The following C8orf34 variants were observed in gnomAD, a reference collection of about 807,000 sequenced individuals.
The protein encoded by C8orf34 is uncharacterized protein C8orf34.
In C8orf34, 65 loss-of-function variants were observed where a neutral mutation model predicts 68.3. The ratio of observed to expected loss-of-function variants is 0.95; its 90% confidence interval spans 0.78 to 1.17. The LOEUF is 1.17. Ranked by LOEUF, C8orf34 falls within the 50% of genes most tolerant of loss-of-function variation. C8orf34 has a pLI of 0.00. For synonymous variants in C8orf34, 244 were observed against 241.2 expected (o/e 1.01, Z -0.11); for missense variants, 664 against 655.4 (o/e 1.01, Z -0.14).
chr8:68,566,342 C>T (rs1391160452), intron 7 of C8orf34, among the ~76,000 whole-genome samples: 2 of 152,142 alleles, frequency 1.3e-5, no homozygotes, highest in African/African-American at 4.8e-5. Context: ...AACCCAGTGT[C>T]TGTTGTTCCG....
intron 7 of C8orf34, among the ~76,000 whole-genome samples, chr8:68,561,146 C>A (rs1010388387): frequency 1.3e-5 from 2 of 151,652 alleles, no homozygotes; most frequent in Admixed American, 1.3e-4. Flanking sequence ...CCACACCGGG[C>A]TAATTTTTGT....
intron 8 of C8orf34, among the ~76,000 whole-genome samples, chr8:68,659,923 A>C (rs1004900751): frequency 6.6e-6 from 1 of 152,208 alleles, no homozygotes; most frequent in Non-Finnish European, 1.5e-5. Flanking sequence ...AACAATTGCG[A>C]ATGACAAAAT....
chr8:68,381,738 C>CAA (rs769290635), intron 1 of C8orf34, among the ~76,000 whole-genome samples: 16,238 of 71,940 alleles, frequency 0.23, 4,215 homozygotes, highest in Middle Eastern at 0.26. Flanking sequence ...GACTCCGTCT[C>CAA]AAAAAAAAAA....
In C8orf34 at chr8:68,808,553, T is replaced by C. The variant is rs554889931; in HGVS notation, c.1550-7333T>C. ...ATTCAACCAACCGTAGATCAAAAAATAATATATATATATATAAAGAAATAA... is the reference window on the plus strand; with the variant it reads ...ATTCAACCAACCGTAGATCAAAAAACAATATATATATATATAAAGAAATAA... On this transcript the variant is annotated intron_variant, in intron 12 of 13. Coordinates refer to ENST00000518698, the MANE Select transcript of C8orf34 (RefSeq NM_052958.4). Among the ~76,000 whole-genome samples, 69 of 150,632 alleles carry C rather than the reference T, an allele frequency of 4.6e-4. No individual in the cohort carries two copies. The South Asian group carries it at 0.014, about 31-fold the overall frequency.
chr8:68,703,625 C>T (rs1036233434), intron 8 of C8orf34, among the ~76,000 whole-genome samples: 4 of 152,038 alleles, frequency 2.6e-5, no homozygotes, highest in Non-Finnish European at 4.4e-5. Context: ...TTTTAGTGCC[C>T]AAGGCCCACC....
At chr8:68,359,127 T>A (rs1806875305) in intron 1 of C8orf34, among the ~76,000 whole-genome samples, 1 of 152,202 alleles carries the variant, frequency 6.6e-6, no homozygotes. Flanking sequence ...ATTAAAAATG[T>A]GGAAAGACAG....
Position 68,765,132 on chromosome 8 carries a change from A to G in C8orf34, c.1405-11267A>G, listed in dbSNP as rs536287174. Among the ~76,000 whole-genome samples the G allele has an allele frequency of 2.0e-5, 3 of 152,352 alleles. No homozygotes were observed. In the South Asian group the frequency reaches 6.2e-4, roughly 32 times the overall value. On this transcript the variant is annotated intron_variant, in intron 10 of 13. Transcript: ENST00000518698. ...ACAGTGATTTATAATAATGACAGCC[A>G]GGGATTTGTCCTTGTCCTCATTGCT...
intron 1 of C8orf34, among the ~76,000 whole-genome samples, chr8:68,354,496 A>G (rs1045975438): frequency 6.6e-6 from 1 of 152,072 alleles, no homozygotes; most frequent in Non-Finnish European, 1.5e-5. Flanking sequence ...TGTGACCCAC[A>G]GCACCCAGCT....
intron 7 of C8orf34, chr8:68,533,939 T>A: frequency 1.2e-6 from 1 of 841,270 alleles, no homozygotes; most frequent in Non-Finnish European, 1.4e-6. Context: ...TATAACAATA[T>A]GCTGTTGTAT....
rs528039881 is a variant in C8orf34 at position 68,721,361 on chromosome 8, A to T, written c.1328A>T (p.Asp443Val). The T allele has an allele frequency of 6.3e-7, 1 of 1,598,094 alleles. No homozygotes were observed. The highest frequency in any genetic ancestry group is 2.2e-5 in the East Asian group (1 of 44,558). The change falls in exon 10 of 14, where the codon GAT (aspartate) becomes GTT (valine). Residue 443 changes from aspartate to valine, a missense_variant and splice_region_variant. Physicochemically the swap from Asp to Val is radical, Grantham distance 152. Transcript: ENST00000518698. ...ATTCATTTTTTAAAAATAAAAATAG[A>T]TTCCTTGCCTGGGACTGAAGAAGCA... Reference protein sequence around the residue: ...SPDEKIPDSFDSLPGTEEALM... With the variant: ...SPDEKIPDSFVSLPGTEEALM...
intron 1 of C8orf34, among the ~76,000 whole-genome samples, chr8:68,366,907 T>G (rs1807288107): frequency 8.9e-6 from 1 of 112,106 alleles, no homozygotes. Context: ...TGGGATCTAA[T>G]TAAACTAAAG....
intron 11 of C8orf34, among the ~76,000 whole-genome samples, chr8:68,780,938 A>G (rs1414229925): frequency 6.6e-6 from 1 of 152,256 alleles, no homozygotes. Flanking sequence ...GCAGTCCATT[A>G]CATGTATCCA....
At chr8:68,477,863 C>T (rs1268114361) in intron 4 of C8orf34, among the ~76,000 whole-genome samples, 1 of 152,124 alleles carries the variant, frequency 6.6e-6, no homozygotes, top group Non-Finnish European at 1.5e-5. Context: ...AGCCTTTGGT[C>T]CCTTATAGCC....
At chr8:68,643,321 C>A (rs1819068117) in intron 8 of C8orf34, among the ~76,000 whole-genome samples, 1 of 152,160 alleles carries the variant, frequency 6.6e-6, no homozygotes, top group South Asian at 2.1e-4. Context: ...ATTATACTTT[C>A]TAAGCAGGGC....
chr8:68,567,730 TA>T (rs1288925269), intron 7 of C8orf34, among the ~76,000 whole-genome samples: 4 of 100,440 alleles, frequency 4.0e-5, no homozygotes, highest in African/African-American at 1.7e-4. Context: ...GAGTCTTTTG[TA>T]TTTTTTTTTT....
intron 8 of C8orf34, among the ~76,000 whole-genome samples, chr8:68,681,018 T>C (rs1458352167): frequency 6.6e-6 from 1 of 152,134 alleles, no homozygotes; most frequent in Non-Finnish European, 1.5e-5. Flanking sequence ...ATATCTTCCC[T>C]ACTTGCATGT....
At chr8:68,401,369 C>T (rs1173784452) in intron 1 of C8orf34, among the ~76,000 whole-genome samples, 1 of 152,102 alleles carries the variant, frequency 6.6e-6, no homozygotes, top group East Asian at 1.9e-4. Flanking sequence ...CCTTTTATTC[C>T]TGTCTCTTGC....
intron 8 of C8orf34, among the ~76,000 whole-genome samples, chr8:68,641,828 T>C (rs1819020057): frequency 6.6e-6 from 1 of 152,208 alleles, no homozygotes; most frequent in Admixed American, 6.5e-5. Context: ...TCCTAATATA[T>C]AGACTGTAAA....
chr8:68,701,139 A>T (rs1821004343), intron 8 of C8orf34, among the ~76,000 whole-genome samples: 1 of 152,058 alleles, frequency 6.6e-6, no homozygotes, highest in South Asian at 2.1e-4. Flanking sequence ...GTAATATATC[A>T]TATTCTAAAG....
Sources: gnomAD v4.1 joint callset for allele counts (sites outside exome capture counted in the v4.1 genomes callset) on GRCh38, gnomAD v4.1.1 for gene constraint, MANE v1.5 for transcripts, NCBI Gene and HGNC (gene_info 2026-07-23, HGNC 2026-07-21) for gene names.